The following NBPF15 variants were observed in gnomAD, a reference collection of about 807,000 sequenced individuals.
NBPF15 encodes NBPF family member NBPF15.
In NBPF15, 74 loss-of-function variants were observed where a neutral mutation model predicts 62.2. That is an observed-to-expected ratio of 1.19 (90% CI 0.99 to 1.44). The LOEUF is 1.44. Ranked by LOEUF, NBPF15 falls within the 40% of genes most tolerant of loss-of-function variation. The pLI, the probability that NBPF15 is intolerant of heterozygous loss-of-function variation, is 0.00. For missense variants in NBPF15, 790 were observed against 550.0 expected, an observed-to-expected ratio of 1.44 and a Z score of -4.36; for synonymous variants, 244 against 209.7, an observed-to-expected ratio of 1.16 and a Z score of -1.41.
chr1:144,458,089 GA>G lies in NBPF15; in HGVS notation c.-701+1276del, dbSNP rs1222561766. Reference sequence around the variant, plus strand: ...GCAACAGAGCGAGACACTGTCTCAAGAAAAAAAAAAAAAATTGTTCGATGTA... The same window carrying G: ...GCAACAGAGCGAGACACTGTCTCAAGAAAAAAAAAAAAATTGTTCGATGTA... On this transcript the variant is annotated intron_variant, in intron 3 of 21. Coordinates refer to ENST00000581897, the MANE Select transcript of NBPF15 (RefSeq NM_001385408.1). Among the ~76,000 whole-genome samples the G allele has an allele frequency of 1.4e-3, 178 of 131,752 alleles. 1 individual carries two copies. The highest frequency in any genetic ancestry group is 7.3e-3 in the Middle Eastern group (2 of 274). 86.4% of individuals were successfully genotyped at this position (131,752 alleles called of 152,430 possible). A position where few individuals can be genotyped will look rare whatever the true frequency, so the allele number is the denominator to read the frequency against.
intron 18 of NBPF15, 111 bp downstream of exon 18, chr1:144,426,167 T>C: frequency 1.5e-6 from 1 of 654,186 alleles, no homozygotes; most frequent in Non-Finnish European, 2.7e-6. Flanking sequence ...CCATAGGTCC[T>C]GCCTGCGGCA....
At chr1:144,455,202 A>G (rs2102791616) in intron 4 of NBPF15, among the ~76,000 whole-genome samples, 1 of 148,458 alleles carries the variant, frequency 6.7e-6, no homozygotes, top group South Asian at 2.2e-4. Flanking sequence ...GAAGGGAGGG[A>G]AGGCAGAAGG....
At chr1:144,459,618 A>G (rs111389537) in intron 2 of NBPF15, 135 bp from the exon 3 acceptor site, 20 of 151,838 alleles carry the variant, frequency 1.3e-4, no homozygotes, top group East Asian at 5.8e-4. Flanking sequence ...ACACATAACC[A>G]GAAAAAAGTA....
intron 6 of NBPF15, 56 bp from the exon 7 acceptor site, chr1:144,440,351 C>G: frequency 9.7e-7 from 1 of 1,030,114 alleles, no homozygotes; most frequent in Non-Finnish European, 1.4e-6. Context: ...CTTAGGAGCC[C>G]TGCATTCCAA....
rs782070916 is a variant in NBPF15 at position 144,455,633 on chromosome 1, C to T, written c.-432+904G>A. On this transcript the variant is annotated intron_variant, in intron 4 of 21. Coordinates refer to ENST00000581897, the MANE Select transcript of NBPF15 (RefSeq NM_001385408.1). The stretch of plus-strand genomic sequence containing the variant: ...GAAGCTTCCCAGCTGCAGGTGGGGG[C>T]CTCAGCCCCTGGGTCTGACATCGTC... Among the ~76,000 whole-genome samples the T allele has an allele frequency of 7.9e-5, 12 of 152,170 alleles. 1 individual carries two copies. Among genetic ancestry groups the T allele is most frequent in the East Asian group, 1.9e-4 (1 of 5,170 alleles).
At chr1:144,428,758 C>G (rs1453164467) in intron 14 of NBPF15, 101 bp from the exon 15 acceptor site, 1 of 621,842 alleles carries the variant, frequency 1.6e-6, no homozygotes, top group Non-Finnish European at 2.8e-6. Context: ...TCAGTCTTGT[C>G]AGTGTGAGAA....
intron 6 of NBPF15, among the ~76,000 whole-genome samples, chr1:144,444,902 ACTGT>A (rs1487284236): frequency 2.0e-5 from 3 of 152,052 alleles, no homozygotes; most frequent in South Asian, 2.1e-4. Context: ...GAAGGGAATG[ACTGT>A]CTATCTGATT....
intron 13 of NBPF15, among the ~76,000 whole-genome samples, chr1:144,431,397 A>T (rs1478699846): frequency 1.3e-5 from 2 of 150,746 alleles, no homozygotes; most frequent in Non-Finnish European, 2.9e-5. Context: ...CCTACAAGCC[A>T]GAAGAGAGTG....
At chr1:144,428,555 C>G in intron 15 of NBPF15, 51 bp downstream of exon 15, 2 of 686,192 alleles carry the variant, frequency 2.9e-6, no homozygotes, top group Non-Finnish European at 5.3e-6. Flanking sequence ...CTGGACTTGG[C>G]ATCTCCAGGT....
chr1:144,447,594 G>A (rs587660798), intron 6 of NBPF15, among the ~76,000 whole-genome samples: 1 of 151,982 alleles, frequency 6.6e-6, no homozygotes, highest in African/African-American at 2.4e-5. Flanking sequence ...TGAGTGGAGA[G>A]TGGATCTGTG....
chr1:144,457,152 G>C (rs1314584889), intron 3 of NBPF15, among the ~76,000 whole-genome samples: 2 of 151,684 alleles, frequency 1.3e-5, no homozygotes, highest in Admixed American at 6.6e-5. Flanking sequence ...CTCCAGCCTG[G>C]GGGAAAAAAA....
At chr1:144,426,606 C>A (rs1217720004) in intron 17 of NBPF15, among the ~76,000 whole-genome samples, 156 bp from the exon 18 acceptor site, 1 of 150,314 alleles carries the variant, frequency 6.7e-6, no homozygotes, top group Non-Finnish European at 1.5e-5. Context: ...TTGGGATAGA[C>A]CAGGGCCAGG....
At chr1:144,434,316 T>C (rs1473931539) in intron 12 of NBPF15, among the ~76,000 whole-genome samples, 2 of 143,098 alleles carry the variant, frequency 1.4e-5, no homozygotes, top group Admixed American at 6.9e-5. Flanking sequence ...CCCTGGCCAA[T>C]ATGGGGAAAC....
chr1:144,451,402 G>A (rs1691044950), intron 4 of NBPF15, among the ~76,000 whole-genome samples: 1 of 150,940 alleles, frequency 6.6e-6, no homozygotes, highest in Non-Finnish European at 1.5e-5. Context: ...ACTGCAAAGA[G>A]GCCTTCCTTC....
At position 144,423,320 on chromosome 1, in the gene NBPF15, G is replaced by C. The variant is rs587646539; in HGVS notation, c.1770-64C>G. ...AATCAGACACCACAGAGCCCCACTAGATTTCAGAAGTAATATAAGGAAGTG... is the reference window on the plus strand; with the variant it reads ...AATCAGACACCACAGAGCCCCACTACATTTCAGAAGTAATATAAGGAAGTG... On this transcript the variant is annotated intron_variant, in intron 21 of 21. Transcript: ENST00000581897. 2.0e-5 allele frequency: 33 copies of C among 1,610,904 alleles called. 1 individual carries two copies. The South Asian group carries it at 3.4e-4, about 17-fold the overall frequency.
At chr1:144,433,979 G>A (rs1165248724) in intron 12 of NBPF15, among the ~76,000 whole-genome samples, 155 bp from the exon 13 acceptor site, 1 of 148,530 alleles carries the variant, frequency 6.7e-6, no homozygotes, top group Non-Finnish European at 1.5e-5. Flanking sequence ...GATTAACTTT[G>A]GTGAGAATTA....
intron 20 of NBPF15, among the ~76,000 whole-genome samples, chr1:144,424,225 G>A (rs1667921964): frequency 6.6e-6 from 1 of 151,964 alleles, no homozygotes; most frequent in African/African-American, 2.4e-5. Context: ...CCAAGTTTGT[G>A]CAAACAGTTA....
intron 4 of NBPF15, among the ~76,000 whole-genome samples, chr1:144,451,086 G>A (rs1690806208): frequency 6.6e-6 from 1 of 151,870 alleles, no homozygotes; most frequent in Admixed American, 6.6e-5. Flanking sequence ...ATCATTATCG[G>A]GCATTTCCGG....
chr1:144,461,278 C>G (rs1163562853), intron 1 of NBPF15, 103 bp downstream of exon 1: 10 of 151,850 alleles, frequency 6.6e-5, no homozygotes, highest in African/African-American at 1.2e-4. Flanking sequence ...CCGGAACACA[C>G]GCCCTCCCAA....
Sources: allele counts gnomAD v4.1 joint callset (sites outside exome capture counted in the v4.1 genomes callset), GRCh38; gene constraint gnomAD v4.1.1; transcripts MANE v1.5; gene names NCBI Gene and HGNC (gene_info 2026-07-23, HGNC 2026-07-21).